The following KLHL2 variants were observed in gnomAD, a reference collection of about 807,000 sequenced individuals.
KLHL2 encodes the protein kelch-like protein 2.
A neutral mutation model predicts 75.8 loss-of-function variants in KLHL2; 15 were observed. That is an observed-to-expected ratio of 0.20 (90% CI 0.13 to 0.30). The LOEUF (loss-of-function observed/expected upper bound fraction) is 0.30. KLHL2 is among the 10% of genes least tolerant of loss of function. The pLI is 1.00. For synonymous variants in KLHL2, 214 were observed against 251.9 expected (o/e 0.85, Z 1.42); for missense variants, 381 against 741.0 (o/e 0.51, Z 5.64).
intron 5 of KLHL2, among the ~76,000 whole-genome samples, chr4:165,264,721 C>CATATACATATAT (rs1742051795): frequency 1.4e-5 from 1 of 71,198 alleles, no homozygotes; most frequent in Admixed American, 2.1e-4. Flanking sequence ...TATATATATA[C>CATATACATATAT]ATATATATAT....
In KLHL2 at chr4:165,207,911, G is replaced by C; in HGVS notation, c.26+9G>C. 1 of 1,412,886 alleles carries C rather than the reference G, an allele frequency of 7.1e-7. No homozygotes were observed. Among genetic ancestry groups the C allele is most frequent in the Admixed American group, 2.5e-5 (1 of 39,254 alleles). The allele number at this position is 1,412,886 out of a possible 1,614,324, so 87.5% of individuals were successfully genotyped here. A position where few individuals can be genotyped will look rare whatever the true frequency, so the allele number is the denominator to read the frequency against. ...CCGCCGCTGCCTCCCGCGTGAGTGA[G>C]CGGGCGGGCGGGCTGCGCCGCTGCG... On this transcript the variant is annotated intron_variant, in intron 1 of 14. Coordinates refer to ENST00000226725, the MANE Select transcript of KLHL2 (RefSeq NM_007246.4). This position sits in a 1 kb window ranked among gnomAD's most constrained non-coding sequence, Gnocchi z 4.2.
Position 165,299,616 on chromosome 4 carries a change from G to C in KLHL2, c.881G>C (p.Ser294Thr), listed in dbSNP as rs139234797. The change falls in exon 8 of 15, where the codon AGT becomes ACT. Residue 294 changes from serine (S) to threonine (T), a missense_variant. By Grantham distance (58) the Ser-to-Thr change is moderately conservative (BLOSUM62 1). Coordinates refer to ENST00000226725, the MANE Select transcript of KLHL2 (RefSeq NM_007246.4). Reference protein sequence around the residue: ...LPTEQRILMKSVRTRLRTPMN... With the variant: ...LPTEQRILMKTVRTRLRTPMN... ...ACAGAGCAGCGTATATTAATGAAGA[G>C]TGTCCGGACCCGGCTGAGGACACCC... 6.2e-7 allele frequency: 1 copy of C among 1,613,712 alleles called. No individual in the cohort carries two copies. Among genetic ancestry groups the C allele is most frequent in the Non-Finnish European group, 8.5e-7 (1 of 1,179,914 alleles).
intron 2 of KLHL2, among the ~76,000 whole-genome samples, chr4:165,226,588 C>T (rs1406208051): frequency 3.3e-5 from 5 of 151,996 alleles, no homozygotes; most frequent in African/African-American, 1.2e-4. Context: ...GATGGTCTTG[C>T]AGTACTTTGT....
At chr4:165,217,342 T>C (rs1448228598) in intron 1 of KLHL2, among the ~76,000 whole-genome samples, 4 of 152,220 alleles carry the variant, frequency 2.6e-5, no homozygotes, top group Non-Finnish European at 4.4e-5. Flanking sequence ...AATATCTGTC[T>C]TATACTATAA....
intron 4 of KLHL2, among the ~76,000 whole-genome samples, chr4:165,251,686 T>C (rs1203499497): frequency 2.1e-5 from 3 of 144,022 alleles, no homozygotes; most frequent in South Asian, 2.3e-4. Flanking sequence ...CTCGGCTCAC[T>C]GCAAGCTCCG....
chr4:165,237,276 T>G (rs900849427), intron 3 of KLHL2, among the ~76,000 whole-genome samples: 3 of 151,422 alleles, frequency 2.0e-5, no homozygotes, highest in Non-Finnish European at 4.4e-5. Context: ...TGACCTTCCT[T>G]TTTCCTCCTT....
intron 4 of KLHL2, among the ~76,000 whole-genome samples, chr4:165,240,845 G>A (rs1339193225): frequency 6.6e-6 from 1 of 152,206 alleles, no homozygotes; most frequent in Non-Finnish European, 1.5e-5. Context: ...ACTAAACTGT[G>A]TGAATTCAGC....
intron 7 of KLHL2, among the ~76,000 whole-genome samples, chr4:165,299,199 T>C (rs1745158787): frequency 6.6e-6 from 1 of 152,198 alleles, no homozygotes; most frequent in South Asian, 2.1e-4. Flanking sequence ...AGGTTAAAGA[T>C]ACACAGGTGG....
intron 4 of KLHL2, among the ~76,000 whole-genome samples, chr4:165,256,286 T>A (rs1466787547): frequency 2.0e-5 from 3 of 152,084 alleles, no homozygotes; most frequent in Admixed American, 2.0e-4. Context: ...TTTGTCTCCA[T>A]TGGTTGGAAA....
chr4:165,232,538 C>T (rs1738982745), intron 3 of KLHL2, among the ~76,000 whole-genome samples: 1 of 151,910 alleles, frequency 6.6e-6, no homozygotes, highest in East Asian at 1.9e-4. Flanking sequence ...CTAAACCAGC[C>T]TGGGAGAAAT....
intron 8 of KLHL2, among the ~76,000 whole-genome samples, chr4:165,299,914 T>G (rs1469807170): frequency 6.6e-6 from 1 of 152,204 alleles, no homozygotes; most frequent in Non-Finnish European, 1.5e-5. Flanking sequence ...AACTGGTTTT[T>G]GTCCCCTCTG....
chr4:165,256,530 C>T (rs1741185657), intron 4 of KLHL2, among the ~76,000 whole-genome samples: 1 of 152,094 alleles, frequency 6.6e-6, no homozygotes, highest in Admixed American at 6.6e-5. Context: ...TTCAACACGC[C>T]AAAGTGAGGC....
chr4:165,243,477 A>C (rs1388724921), intron 4 of KLHL2, among the ~76,000 whole-genome samples: 2 of 152,230 alleles, frequency 1.3e-5, no homozygotes, highest in Non-Finnish European at 2.9e-5. Context: ...GACAGTTTTG[A>C]ATGGATGGGT....
intron 4 of KLHL2, among the ~76,000 whole-genome samples, chr4:165,247,729 A>G (rs1300498306): frequency 6.6e-6 from 1 of 152,208 alleles, no homozygotes; most frequent in East Asian, 1.9e-4. Context: ...GGCTGTGGCA[A>G]GTAATTAGCC....
intron 5 of KLHL2, among the ~76,000 whole-genome samples, chr4:165,289,227 A>G (rs1744320042): frequency 1.3e-5 from 2 of 152,202 alleles, no homozygotes; most frequent in African/African-American, 4.8e-5. Context: ...CAGGCCCTAA[A>G]GTAAACTAAT....
intron 5 of KLHL2, among the ~76,000 whole-genome samples, chr4:165,264,518 C>T (rs781233653): frequency 4.0e-5 from 6 of 150,012 alleles, no homozygotes; most frequent in East Asian, 2.0e-4. Context: ...TAATGGCCTC[C>T]GGTTTCATCC....
intron 5 of KLHL2, chr4:165,278,855 A>G (rs1234036198): frequency 6.6e-7 from 1 of 1,523,136 alleles, no homozygotes; most frequent in Non-Finnish European, 9.1e-7. Context: ...TTGTCCCACC[A>G]GTGCAGCAGA....
At chr4:165,255,474 G>T (rs111750905) in intron 4 of KLHL2, among the ~76,000 whole-genome samples, 2 of 152,002 alleles carry the variant, frequency 1.3e-5, no homozygotes, top group Non-Finnish European at 2.9e-5. Context: ...GGCAGGCGAG[G>T]TTGCATGTGG....
chr4:165,264,682 A>ATGTGTGTGTGTGTG (rs760543186), intron 5 of KLHL2, among the ~76,000 whole-genome samples: 3 of 68,692 alleles, frequency 4.4e-5, no homozygotes, highest in African/African-American at 1.5e-4. Flanking sequence ...ACGTATATGT[A>ATGTGTGTGTGTGTG]TGTGTGTGTG....
Sources: gnomAD v4.1 joint callset for allele counts (sites outside exome capture counted in the v4.1 genomes callset) on GRCh38, gnomAD v4.1.1 for gene constraint, Gnocchi (gnomAD v3.1) non-coding constraint, MANE v1.5 for transcripts, NCBI Gene and HGNC (gene_info 2026-07-23, HGNC 2026-07-21) for gene names.